The following SLTM variants were observed in gnomAD, a reference collection of about 807,000 sequenced individuals.
SLTM encodes SAFB-like transcription modulator.
In SLTM, 43 loss-of-function variants were observed where a neutral mutation model predicts 134.6. The observed-to-expected ratio is 0.32, with a 90% CI of 0.25 to 0.41. The LOEUF is 0.41. Among genes scored for constraint, SLTM ranks in the 10% least tolerant of loss-of-function variants. The pLI is 1.00. For synonymous variants in SLTM, 424 were observed against 432.3 expected, an observed-to-expected ratio of 0.98 and a Z score of 0.24; for missense variants, 1,055 against 1,288.8, an observed-to-expected ratio of 0.82 and a Z score of 2.78.
chr15:58,889,319 A>G lies in SLTM; in HGVS notation c.2204+111T>C, dbSNP rs141866494. The G allele has an allele frequency of 1.0e-5, 14 of 1,383,764 alleles. No individual in the cohort carries two copies. The African/African-American group carries it at 1.4e-4, about 14-fold the overall frequency. The allele number at this position is 1,383,764 out of a possible 1,614,324, so 85.7% of individuals were successfully genotyped here. Reference sequence around the variant, plus strand: ...ACTGTAATCCTTCCCATCCCTGTTGATCATGACTTTTATTCCAGTGATGGG... The same window carrying G: ...ACTGTAATCCTTCCCATCCCTGTTGGTCATGACTTTTATTCCAGTGATGGG... On this transcript the variant is annotated intron_variant, in intron 16 of 20. Transcript: ENST00000380516.
intron 19 of SLTM, among the ~76,000 whole-genome samples, chr15:58,884,855 G>A (rs369641640): frequency 1.9e-4 from 29 of 151,662 alleles, no homozygotes; most frequent in African/African-American, 5.8e-4. Flanking sequence ...AGCTCGTCTC[G>A]AACCCTTGGC....
intron 15 of SLTM, 95 bp downstream of exon 15, chr15:58,890,186 A>T (rs1452597452): frequency 1.4e-6 from 2 of 1,407,490 alleles, no homozygotes; most frequent in African/African-American, 1.4e-5. Flanking sequence ...CTCATTCTAT[A>T]GACGCTTTAC....
intron 5 of SLTM, among the ~76,000 whole-genome samples, chr15:58,908,399 C>A (rs564123179): frequency 4.2e-4 from 64 of 152,204 alleles, no homozygotes; most frequent in African/African-American, 1.4e-3. Context: ...TAGGGTCTTG[C>A]TCTATTGCCC....
chr15:58,887,603 TA>T, intron 17 of SLTM, 63 bp from the exon 18 acceptor site: 1 of 1,529,924 alleles, frequency 6.5e-7, no homozygotes, highest in South Asian at 1.3e-5. Context: ...TAATTCTTCT[TA>T]ACTTTGTCTG....
intron 20 of SLTM, among the ~76,000 whole-genome samples, chr15:58,881,341 A>G (rs991922714): frequency 1.5e-4 from 23 of 152,136 alleles, no homozygotes; most frequent in African/African-American, 4.8e-4. Flanking sequence ...CCTGGCCAAC[A>G]AAGTGAAACC....
At chr15:58,928,172 T>A (rs946376231) in intron 2 of SLTM, among the ~76,000 whole-genome samples, 2 of 152,214 alleles carry the variant, frequency 1.3e-5, no homozygotes, top group African/African-American at 4.8e-5. Flanking sequence ...CTGTACTGAT[T>A]AACCACATCA....
chr15:58,887,430 T>A lies in SLTM; in HGVS notation c.2486A>T (p.Asn829Ile). 5 of 1,614,144 alleles carry A rather than the reference T, an allele frequency of 3.1e-6. No individual in the cohort carries two copies. Among genetic ancestry groups the A allele is most frequent in the Non-Finnish European group, 4.2e-6 (5 of 1,180,018 alleles). ...YPKNFSDSRR[N>I]EPPPPRNELR... is the part of the protein sequence containing the mutation. ...TTCATTTCTTGGTGGTGGAGGCTCA[T>A]TTCTTCTGGAGTCACTGAAATTTTT... The change falls in exon 18 of 21, where the codon AAT becomes ATT. Residue 829 changes from asparagine to isoleucine, a missense_variant. Asn to Ile is a moderately radical substitution (Grantham distance 149). Coordinates refer to ENST00000380516, the MANE Select transcript of SLTM (RefSeq NM_024755.4).
intron 19 of SLTM, among the ~76,000 whole-genome samples, chr15:58,884,650 G>C (rs1457227236): frequency 2.0e-5 from 3 of 148,140 alleles, no homozygotes; most frequent in Admixed American, 6.7e-5. Context: ...TTTTTTTTTT[G>C]GAGACATGAT....
At chr15:58,917,535 A>C (rs2036730969) in intron 2 of SLTM, among the ~76,000 whole-genome samples, 1 of 152,206 alleles carries the variant, frequency 6.6e-6, no homozygotes, top group Non-Finnish European at 1.5e-5. Context: ...TAGAGAAGAA[A>C]TTCTTTAAAT....
rs1173833448 is a variant in SLTM at position 58,879,954 on chromosome 15, G to C, written c.*45C>G. The C allele has an allele frequency of 1.2e-6, 2 of 1,601,566 alleles. No homozygotes were observed. The highest frequency in any genetic ancestry group is 2.7e-5 in the African/African-American group (2 of 74,570). On this transcript the variant is annotated 3_prime_UTR_variant, in exon 21 of 21. Coordinates refer to ENST00000380516, the MANE Select transcript of SLTM (RefSeq NM_024755.4). ...ATAAGTAGTCAAGTAAAGTTTACAG[G>C]AGATTTCAATAAATTATCTTAAAAC...
At chr15:58,914,689 C>T (rs1184074416) in intron 3 of SLTM, among the ~76,000 whole-genome samples, 1 of 152,202 alleles carries the variant, frequency 6.6e-6, no homozygotes, top group African/African-American at 2.4e-5. Context: ...AAGGTGCCAA[C>T]TTTGACCAAT....
Position 58,897,218 on chromosome 15 carries a change from G to T in SLTM, c.1124C>A (p.Thr375Asn). 1 of 1,580,964 alleles carries T rather than the reference G, an allele frequency of 6.3e-7. No homozygotes were observed. Reference protein sequence around the residue: ...SKDDKGSTSSTSGSSGSSTKN... With the variant: ...SKDDKGSTSSNSGSSGSSTKN... ...AGTTGAGCTTCCACTGCTACCACTA[G>T]TACTACTTGTACTTCCTAGAATAGA... The change falls in exon 9 of 21, where the codon ACT (threonine) becomes AAT (asparagine). Residue 375 changes from threonine to asparagine, a missense_variant. Thr to Asn is a moderately conservative substitution (Grantham distance 65). This residue lies in a region of SLTM where 776 missense variants were observed against 962.2 expected (regional missense o/e 0.81). Transcript: ENST00000380516.
Position 58,899,455 on chromosome 15 carries a change from A to T in SLTM, c.1058+14T>A. 6.2e-7 allele frequency: 1 copy of T among 1,607,014 alleles called. No homozygotes were observed. Among genetic ancestry groups the T allele is most frequent in the East Asian group, 2.2e-5 (1 of 44,836 alleles). On this transcript the variant is annotated intron_variant, in intron 7 of 20. Transcript: ENST00000380516. This position sits in a 1 kb window ranked among gnomAD's most constrained non-coding sequence, Gnocchi z 5.0. The stretch of plus-strand genomic sequence containing the variant: ...GAATTCAGTATCGTAAAGAACTGAC[A>T]TAGAAAAACAAACCTCTTTGCTTGA...
At chr15:58,895,241 T>G (rs532753963) in intron 9 of SLTM, among the ~76,000 whole-genome samples, 64 of 152,302 alleles carry the variant, frequency 4.2e-4, no homozygotes, top group Admixed American at 1.4e-3. Context: ...TAGAGAAAGT[T>G]TCTAGTATTT....
At chr15:58,918,435 T>C (rs936896888) in intron 2 of SLTM, among the ~76,000 whole-genome samples, 1 of 152,200 alleles carries the variant, frequency 6.6e-6, no homozygotes, top group African/African-American at 2.4e-5. Flanking sequence ...CGGTAGCTCC[T>C]ATCTGTCATC....
chr15:58,932,780 G>C (rs898702887), intron 1 of SLTM, among the ~76,000 whole-genome samples: 3 of 152,212 alleles, frequency 2.0e-5, no homozygotes, highest in Non-Finnish European at 2.9e-5. Context: ...AGTTTTCCTA[G>C]TTTCTGTAAT....
At chr15:58,897,042 T>C in intron 9 of SLTM, 73 bp downstream of exon 9, 2 of 852,160 alleles carry the variant, frequency 2.3e-6, no homozygotes, top group Non-Finnish European at 4.0e-6. Flanking sequence ...ATTCATGTAA[T>C]ACTATTTAGA....
intron 5 of SLTM, among the ~76,000 whole-genome samples, chr15:58,907,364 G>C (rs1208081002): frequency 6.6e-6 from 1 of 152,222 alleles, no homozygotes; most frequent in East Asian, 1.9e-4. Flanking sequence ...GCTCACACCT[G>C]TAATCCAAAT....
At chr15:58,895,470 AAGAG>A (rs1289796777) in intron 9 of SLTM, among the ~76,000 whole-genome samples, 10 of 148,954 alleles carry the variant, frequency 6.7e-5, no homozygotes, top group South Asian at 4.1e-4. Context: ...GTGAGAAGAA[AAGAG>A]AGAGAACGAT....
Sources: allele counts gnomAD v4.1 joint callset (sites outside exome capture counted in the v4.1 genomes callset), GRCh38; gene constraint gnomAD v4.1.1; regional missense constraint gnomAD v4.1.1; non-coding constraint Gnocchi (gnomAD v3.1); transcripts MANE v1.5; gene names NCBI Gene and HGNC (gene_info 2026-07-23, HGNC 2026-07-21).